Variants in PCMTD1 observed in about 807,000 individuals in gnomAD.
PCMTD1 encodes the protein protein-L-isoaspartate O-methyltransferase domain-containing protein 1.
A neutral mutation model predicts 37.6 loss-of-function variants in PCMTD1; 12 were observed. The ratio of observed to expected loss-of-function variants is 0.32; its 90% confidence interval spans 0.20 to 0.52. The LOEUF (loss-of-function observed/expected upper bound fraction) is 0.52, where lower values mean the gene tolerates loss of function less well. Among genes scored for constraint, PCMTD1 ranks in the 20% least tolerant of loss-of-function variants. PCMTD1 has a pLI of 0.97. For missense variants in PCMTD1, 235 were observed against 421.3 expected, an observed-to-expected ratio of 0.56 and a Z score of 3.87; for synonymous variants, 117 against 135.8, an observed-to-expected ratio of 0.86 and a Z score of 0.96.
rs945095822 is a variant in PCMTD1, at chr8:51,882,928, C to T, written c.-96+16002G>A. Reference sequence around the variant, plus strand: ...GGATCACGAGGTCAGGAGATAGAGACCATGCTTGCTAACACGGTGAAACTC... The same window carrying T: ...GGATCACGAGGTCAGGAGATAGAGATCATGCTTGCTAACACGGTGAAACTC... On this transcript the variant is annotated intron_variant, in intron 1 of 5. Transcript: ENST00000522514. 9.2e-4 allele frequency among the ~76,000 whole-genome samples: 139 copies of T among 150,352 alleles called. 2 individuals are homozygous for T. Among genetic ancestry groups the T allele is most frequent in the Non-Finnish European group, 3.0e-4 (20 of 67,742 alleles).
intron 5 of PCMTD1, among the ~76,000 whole-genome samples, chr8:51,830,861 TC>T (rs1400894286): frequency 1.3e-5 from 2 of 152,164 alleles, no homozygotes; most frequent in Non-Finnish European, 2.9e-5. Context: ...TAGATGCCCT[TC>T]CCACAACCAG....
intron 1 of PCMTD1, chr8:51,895,914 T>C (rs549411795): frequency 6.6e-6 from 1 of 151,740 alleles, no homozygotes; most frequent in South Asian, 2.1e-4. Flanking sequence ...CCATACTTTA[T>C]TAATGTTAGT....
At chr8:51,849,685 C>T (rs2038276513) in intron 2 of PCMTD1, 1 of 164,320 alleles carries the variant, frequency 6.1e-6, no homozygotes, top group African/African-American at 2.4e-5. Context: ...ACATTCATTG[C>T]ACTCTTAAGA....
intron 1 of PCMTD1, among the ~76,000 whole-genome samples, chr8:51,898,018 G>A (rs774953654): frequency 2.0e-5 from 3 of 152,202 alleles, no homozygotes; most frequent in Middle Eastern, 3.4e-3. Context: ...GAAATATGGG[G>A]GGAAGGGCGC....
chr8:51,867,197 T>C (rs1276597685), intron 1 of PCMTD1, among the ~76,000 whole-genome samples: 3 of 152,068 alleles, frequency 2.0e-5, no homozygotes, highest in Admixed American at 6.6e-5. Flanking sequence ...ATAACAAGTA[T>C]TGGCAAGGTT....
In PCMTD1 at chr8:51,832,421, T is replaced by C. The variant is rs114270764; in HGVS notation, c.583-854A>G. ...TGCTACAGAGCACAGTACATGGTGA[T>C]AGTGAGATCCACTGAGCTGCCAATG... is the stretch of plus-strand genomic sequence containing the variant. On this transcript the variant is annotated intron_variant, in intron 4 of 5. Coordinates refer to ENST00000522514, the MANE Select transcript of PCMTD1 (RefSeq NM_052937.4). 4.9e-3 allele frequency among the ~76,000 whole-genome samples: 742 copies of C among 152,330 alleles called. 6 individuals are homozygous for C. The highest frequency in any genetic ancestry group is 0.017 in the African/African-American group (712 of 41,572).
chr8:51,863,706 G>T (rs1452097065), intron 1 of PCMTD1, among the ~76,000 whole-genome samples: 2 of 152,222 alleles, frequency 1.3e-5, no homozygotes, highest in Non-Finnish European at 2.9e-5. Flanking sequence ...CAGATCACTT[G>T]AAGTCAGGAG....
chr8:51,826,791 T>C (rs2037927364), intron 5 of PCMTD1: 1 of 512,658 alleles, frequency 2.0e-6, no homozygotes, highest in African/African-American at 2.1e-5. Flanking sequence ...ATGAAGTCTC[T>C]TATGCCCCTG....
intron 2 of PCMTD1, among the ~76,000 whole-genome samples, chr8:51,848,430 T>A (rs10096943): frequency 2.0e-5 from 3 of 151,980 alleles, no homozygotes; most frequent in Non-Finnish European, 4.4e-5. Context: ...TAAGACAGAA[T>A]ATATAAATAT....
chr8:51,847,512 A>G (rs1366686720), intron 2 of PCMTD1, among the ~76,000 whole-genome samples: 1 of 151,980 alleles, frequency 6.6e-6, no homozygotes, highest in Non-Finnish European at 1.5e-5. Context: ...CTGTAATCCC[A>G]GTTTCTTGGG....
chr8:51,859,904 A>G (rs551403947), intron 2 of PCMTD1, among the ~76,000 whole-genome samples: 10 of 66,136 alleles, frequency 1.5e-4, no homozygotes, highest in East Asian at 1.4e-3. Flanking sequence ...AAGGCTGTTG[A>G]TTTTGTCTTC....
In PCMTD1 at chr8:51,861,075, G is replaced by A; in HGVS notation, c.77C>T (p.Thr26Ile). Residue 26 changes from threonine to isoleucine, a missense_variant, in exon 2 of 6, where the codon ACT (threonine) becomes ATT (isoleucine). Coordinates refer to ENST00000522514, the MANE Select transcript of PCMTD1 (RefSeq NM_052937.4). ...TCTGAAGGCTTGCTCCACTCTTTCAGTACGAATATACTGAGCTTCTTTTAA... is the reference window on the plus strand; with the variant it reads ...TCTGAAGGCTTGCTCCACTCTTTCAATACGAATATACTGAGCTTCTTTTAA... ...DNLKEAQYIR[T>I]ERVEQAFRAI... The A allele has an allele frequency of 6.2e-7, 1 of 1,614,062 alleles. No individual in the cohort carries two copies. The highest frequency in any genetic ancestry group is 1.1e-5 in the South Asian group (1 of 91,084).
chr8:51,836,072 T>A (rs906805831), intron 3 of PCMTD1, among the ~76,000 whole-genome samples: 2 of 152,156 alleles, frequency 1.3e-5, no homozygotes, highest in Non-Finnish European at 2.9e-5. Context: ...GAGACAAACA[T>A]CGAACAATCC....
chr8:51,868,789 T>G (rs1437303930), intron 1 of PCMTD1, among the ~76,000 whole-genome samples: 1 of 152,220 alleles, frequency 6.6e-6, no homozygotes, highest in Non-Finnish European at 1.5e-5. Context: ...AAATTACCTT[T>G]TTATTATACT....
chr8:51,831,342 A>G (rs532987509), intron 5 of PCMTD1, 102 bp downstream of exon 5: 90 of 1,196,180 alleles, frequency 7.5e-5, no homozygotes, highest in African/African-American at 7.5e-4. Flanking sequence ...ATCTTACTGC[A>G]TAAGTATTTA....
chr8:51,822,175 G>A (rs949153420), intron 5 of PCMTD1, among the ~76,000 whole-genome samples: 15 of 152,262 alleles, frequency 9.9e-5, no homozygotes, highest in Admixed American at 4.6e-4. Flanking sequence ...CATGTCCAAG[G>A]AGCCGAAGGA....
chr8:51,881,658 A>G (rs571846382), intron 1 of PCMTD1, among the ~76,000 whole-genome samples: 1 of 152,174 alleles, frequency 6.6e-6, no homozygotes, highest in Non-Finnish European at 1.5e-5. Flanking sequence ...CAACTGTTTT[A>G]GAATTGTCTT....
chr8:51,840,757 A>G (rs73592217), intron 3 of PCMTD1, among the ~76,000 whole-genome samples: 5,883 of 152,206 alleles, frequency 0.039, 359 homozygotes, highest in African/African-American at 0.13. Flanking sequence ...CTAAAATACA[A>G]AAGTCTAACT....
intron 3 of PCMTD1, among the ~76,000 whole-genome samples, chr8:51,837,326 C>T (rs2038082878): frequency 6.6e-6 from 1 of 151,982 alleles, no homozygotes. Flanking sequence ...TACCAGAATA[C>T]TCAAATTTGA....
Sources: allele counts gnomAD v4.1 joint callset (sites outside exome capture counted in the v4.1 genomes callset), GRCh38; gene constraint gnomAD v4.1.1; transcripts MANE v1.5; gene names NCBI Gene and HGNC (gene_info 2026-07-23, HGNC 2026-07-21).